Variants in PLPPR1 observed in about 807,000 individuals in gnomAD.
PLPPR1 encodes the protein phospholipid phosphatase related 1.
In PLPPR1, 10 loss-of-function variants were observed where a neutral mutation model predicts 33.1. The ratio of observed to expected loss-of-function variants is 0.30; its 90% CI spans 0.19 to 0.51. PLPPR1 has a LOEUF of 0.51. Ranked by LOEUF, PLPPR1 falls within the 20% of genes least tolerant of loss-of-function variation. The pLI is 0.97. For missense variants in PLPPR1, 304 were observed against 408.1 expected (o/e 0.74, Z 2.20); for synonymous variants, 151 against 151.0 (o/e 1.00, Z 0.00).
intron 4 of PLPPR1, among the ~76,000 whole-genome samples, chr9:101,289,748 A>G (rs890475048): frequency 1.3e-5 from 2 of 152,218 alleles, no homozygotes; most frequent in African/African-American, 4.8e-5. Context: ...AGGCTTCCCC[A>G]GCCACATGGA....
intron 1 of PLPPR1, among the ~76,000 whole-genome samples, chr9:101,054,806 T>G (rs1830262727): frequency 6.6e-6 from 1 of 152,200 alleles, no homozygotes; most frequent in African/African-American, 2.4e-5. Flanking sequence ...CCTCTCCGTG[T>G]GCATTTGCTG....
intron 1 of PLPPR1, among the ~76,000 whole-genome samples, chr9:101,153,827 C>G (rs1831635355): frequency 6.6e-6 from 1 of 151,938 alleles, no homozygotes; most frequent in East Asian, 1.9e-4. Context: ...TCGTGATCCG[C>G]CCACCTCGGC....
rs57933747 is a variant in PLPPR1, at chr9:101,045,149, C to T, written c.-46+16047C>T. On this transcript the variant is annotated intron_variant, in intron 1 of 7. Coordinates refer to ENST00000374874, the MANE Select transcript of PLPPR1 (RefSeq NM_207299.2). ...ACATAGCTGTGTGGTTTGAAAGCACCAAACTCAGTGCCAAAAGAAGGGTCT... is the reference window on the plus strand; with the variant it reads ...ACATAGCTGTGTGGTTTGAAAGCACTAAACTCAGTGCCAAAAGAAGGGTCT... Among the ~76,000 whole-genome samples, 559 of 152,208 alleles carry T rather than the reference C, an allele frequency of 3.7e-3. 3 individuals carry two copies. The highest frequency in any genetic ancestry group is 0.013 in the African/African-American group (525 of 41,518).
chr9:101,059,165 A>G (rs16919767), intron 1 of PLPPR1, among the ~76,000 whole-genome samples: 12,754 of 152,196 alleles, frequency 0.084, 1,166 homozygotes, highest in East Asian at 0.24. Flanking sequence ...TGTATCAAAA[A>G]GAAGCATATG....
chr9:101,323,106 A>G (rs573965552), intron 7 of PLPPR1, among the ~76,000 whole-genome samples: 1 of 152,356 alleles, frequency 6.6e-6, no homozygotes, highest in East Asian at 1.9e-4. Context: ...AAAACATTAC[A>G]TTAAAAATGT....
intron 1 of PLPPR1, among the ~76,000 whole-genome samples, chr9:101,036,295 A>G (rs552270408): frequency 6.6e-6 from 1 of 152,270 alleles, no homozygotes; most frequent in African/African-American, 2.4e-5. Flanking sequence ...AACACCATTC[A>G]TCATTGTGGT....
chr9:101,036,762 G>A (rs1310372423), intron 1 of PLPPR1, among the ~76,000 whole-genome samples: 2 of 149,450 alleles, frequency 1.3e-5, no homozygotes, highest in Non-Finnish European at 3.0e-5. Flanking sequence ...TGAATGAAAA[G>A]GATAAAAAGA....
chr9:101,153,764 TA>T (rs1389709421), intron 1 of PLPPR1, among the ~76,000 whole-genome samples: 2 of 149,632 alleles, frequency 1.3e-5, no homozygotes, highest in African/African-American at 2.5e-5. Flanking sequence ...TTTTTTTTTT[TA>T]GTAGAGACGG....
At chr9:101,135,537 T>C (rs930940014) in intron 1 of PLPPR1, among the ~76,000 whole-genome samples, 3 of 152,214 alleles carry the variant, frequency 2.0e-5, no homozygotes, top group African/African-American at 7.2e-5. Flanking sequence ...TACCTCAAGA[T>C]CAATGACACA....
intron 2 of PLPPR1, among the ~76,000 whole-genome samples, chr9:101,261,139 C>G (rs1564019658): frequency 6.6e-6 from 1 of 152,112 alleles, no homozygotes. Context: ...TCCAGAGGTT[C>G]AGATTGAGGT....
chr9:101,070,871 C>G (rs1830475238), intron 1 of PLPPR1, among the ~76,000 whole-genome samples: 1 of 152,106 alleles, frequency 6.6e-6, no homozygotes, highest in Admixed American at 6.6e-5. Context: ...ACAACAGTAT[C>G]TGACACTTCA....
chr9:101,131,655 C>A (rs1046533889), intron 1 of PLPPR1: 4 of 152,198 alleles, frequency 2.6e-5, no homozygotes, highest in African/African-American at 9.6e-5. Context: ...CCAACACTTA[C>A]CTTCTTTTTC....
At chr9:101,255,662 T>A (rs918937125) in intron 2 of PLPPR1, among the ~76,000 whole-genome samples, 3 of 152,202 alleles carry the variant, frequency 2.0e-5, no homozygotes, top group African/African-American at 7.2e-5. Context: ...CCAAATGTGT[T>A]TATCAAACAC....
intron 2 of PLPPR1, among the ~76,000 whole-genome samples, chr9:101,230,898 T>C (rs543399357): frequency 1.3e-5 from 2 of 152,132 alleles, no homozygotes; most frequent in African/African-American, 2.4e-5. Context: ...TTATTTTTTT[T>C]CCAGTGAATT....
At chr9:101,246,052 A>C (rs1189002753) in intron 2 of PLPPR1, among the ~76,000 whole-genome samples, 2 of 103,652 alleles carry the variant, frequency 1.9e-5, no homozygotes, top group African/African-American at 7.1e-5. Flanking sequence ...AAAATTGAAT[A>C]TGAATATATA....
Position 101,316,616 on chromosome 9 carries a change from C to CAAAAAA in PLPPR1, c.814-742_814-737dup, listed in dbSNP as rs553324474. Among the ~76,000 whole-genome samples, 12 of 82,594 alleles carry CAAAAAA rather than the reference C, an allele frequency of 1.5e-4. 1 individual carries two copies. Among genetic ancestry groups the CAAAAAA allele is most frequent in the African/African-American group, 5.8e-4 (10 of 17,210 alleles). The allele number at this position is 82,594 out of a possible 152,430, so 54.2% of individuals were successfully genotyped here. A position where few individuals can be genotyped will look rare whatever the true frequency, so the allele number is the denominator to read the frequency against. On this transcript the variant is annotated intron_variant, in intron 6 of 7. Transcript: ENST00000374874. ...AGGGAAAAGGAGGGTTCTTCTTGGG[C>CAAAAAA]AAAAAAAAAAAAGCAGGGAAGATGG...
At chr9:101,152,776 G>T (rs1328568444) in intron 1 of PLPPR1, among the ~76,000 whole-genome samples, 2 of 152,160 alleles carry the variant, frequency 1.3e-5, no homozygotes, top group East Asian at 3.9e-4. Context: ...TTTGGTACCA[G>T]TACCATGCTG....
intron 1 of PLPPR1, among the ~76,000 whole-genome samples, chr9:101,162,990 T>C (rs1329141328): frequency 6.6e-6 from 1 of 152,216 alleles, no homozygotes; most frequent in East Asian, 1.9e-4. Context: ...CCTGTTTGAC[T>C]GCCTTGTGGT....
chr9:101,139,454 A>G (rs905098021), intron 1 of PLPPR1, among the ~76,000 whole-genome samples: 2 of 152,170 alleles, frequency 1.3e-5, no homozygotes, highest in African/African-American at 2.4e-5. Flanking sequence ...AAAGCTTTTC[A>G]TATTTGTTTA....
Sources: gnomAD v4.1 joint callset for allele counts (sites outside exome capture counted in the v4.1 genomes callset) on GRCh38, gnomAD v4.1.1 for gene constraint, MANE v1.5 for transcripts, NCBI Gene and HGNC (gene_info 2026-07-23, HGNC 2026-07-21) for gene names.